Variants in TAFA2 observed in about 807,000 individuals in gnomAD.
TAFA2 encodes chemokine-like protein TAFA-2.
TAFA2 carries 7 observed loss-of-function variants against 18.8 expected under a neutral mutation model. The ratio of observed to expected loss-of-function variants is 0.37; its 90% CI spans 0.21 to 0.70. The LOEUF is 0.70. TAFA2 is among the 30% of genes least tolerant of loss of function. The probability of loss-of-function intolerance (pLI) is 0.53; values close to 1 mark genes in which losing one functional copy is unlikely to be tolerated. For synonymous variants in TAFA2, 60 were observed against 54.2 expected, an observed-to-expected ratio of 1.11 and a Z score of -0.47; for missense variants, 122 against 158.1, an observed-to-expected ratio of 0.77 and a Z score of 1.23.
At chr12:61,919,754 G>A (rs188823634) in intron 1 of TAFA2, among the ~76,000 whole-genome samples, 2 of 151,134 alleles carry the variant, frequency 1.3e-5, no homozygotes, top group African/African-American at 4.9e-5. Flanking sequence ...TAGTTTAATT[G>A]TATAATTGTC....
intron 1 of TAFA2, chr12:62,021,870 T>G (rs1013285068): frequency 3.0e-5 from 23 of 769,818 alleles, no homozygotes; most frequent in Non-Finnish European, 2.4e-6. Context: ...TCCTCCGTCC[T>G]CGGAGTTTCC....
rs113992348 is a variant in TAFA2 at position 61,935,269 on chromosome 12, T to C, written c.-1-67843A>G. Among the ~76,000 whole-genome samples the C allele has an allele frequency of 3.5e-4, 53 of 152,314 alleles. 1 individual carries two copies. The highest frequency in any genetic ancestry group is 1.3e-3 in the African/African-American group (52 of 41,582). On this transcript the variant is annotated intron_variant, in intron 1 of 4. Coordinates refer to ENST00000416284, the MANE Select transcript of TAFA2 (RefSeq NM_178539.5). ...AAGCACCAAAATGATAATAAATATT[T>C]CAAGCTACCTTTCCCAGAAACACAA...
chr12:61,999,480 T>C (rs186891831), intron 1 of TAFA2, among the ~76,000 whole-genome samples: 7 of 152,296 alleles, frequency 4.6e-5, no homozygotes, highest in Non-Finnish European at 1.0e-4. Flanking sequence ...TGGATACGGC[T>C]TCCTAAAATT....
chr12:61,952,256 T>C (rs566113675), intron 1 of TAFA2, among the ~76,000 whole-genome samples: 5 of 152,222 alleles, frequency 3.3e-5, no homozygotes, highest in African/African-American at 1.2e-4. Flanking sequence ...GTCCCACCTA[T>C]TAATATTTCA....
At chr12:61,998,529 A>T (rs1232537553) in intron 1 of TAFA2, among the ~76,000 whole-genome samples, 1 of 152,200 alleles carries the variant, frequency 6.6e-6, no homozygotes, top group African/African-American at 2.4e-5. Flanking sequence ...ATGCATATAT[A>T]AAAGCATTTA....
chr12:62,086,061 A>C (rs1002381999), intron 1 of TAFA2, among the ~76,000 whole-genome samples: 1 of 152,094 alleles, frequency 6.6e-6, no homozygotes, highest in African/African-American at 2.4e-5. Flanking sequence ...AAGCAGAAGC[A>C]TATACAGCCT....
chr12:61,761,802 T>C (rs1053776355), intron 2 of TAFA2, among the ~76,000 whole-genome samples: 3 of 152,190 alleles, frequency 2.0e-5, no homozygotes, highest in African/African-American at 7.2e-5. Context: ...TAATGCCTGA[T>C]ATGGTTTATA....
chr12:62,208,522 G>T (rs2062701177), intron 1 of TAFA2, among the ~76,000 whole-genome samples: 1 of 152,078 alleles, frequency 6.6e-6, no homozygotes, highest in Admixed American at 6.5e-5. Context: ...GAGATCTAAG[G>T]ATTTCTGCAA....
chr12:61,719,206 A>G (rs1244995510), intron 4 of TAFA2, among the ~76,000 whole-genome samples: 1 of 152,188 alleles, frequency 6.6e-6, no homozygotes, highest in East Asian at 1.9e-4. Flanking sequence ...TTTAAGTAAT[A>G]GTAGCCTTTC....
At chr12:62,014,914 C>T (rs781080006) in intron 1 of TAFA2, among the ~76,000 whole-genome samples, 5 of 152,098 alleles carry the variant, frequency 3.3e-5, no homozygotes, top group Non-Finnish European at 7.4e-5. Flanking sequence ...AAAAAAAAAG[C>T]CATCCATTTC....
intron 1 of TAFA2, among the ~76,000 whole-genome samples, chr12:61,935,671 T>C (rs939162214): frequency 6.6e-5 from 10 of 152,124 alleles, no homozygotes; most frequent in African/African-American, 2.4e-4. Flanking sequence ...AGATCAACTT[T>C]TGAACAAAAC....
At chr12:62,257,034 T>C (rs893106188) in intron 1 of TAFA2, among the ~76,000 whole-genome samples, 1 of 151,890 alleles carries the variant, frequency 6.6e-6, no homozygotes, top group Non-Finnish European at 1.5e-5. Flanking sequence ...ACTGAGACAG[T>C]GGTTCCTGAA....
chr12:62,106,735 T>A (rs1869472895), intron 1 of TAFA2, among the ~76,000 whole-genome samples: 1 of 152,174 alleles, frequency 6.6e-6, no homozygotes, highest in Non-Finnish European at 1.5e-5. Context: ...GCCCCTAACA[T>A]CCCACTGTGA....
At chr12:62,078,878 A>G (rs1311399090) in intron 1 of TAFA2, among the ~76,000 whole-genome samples, 1 of 152,248 alleles carries the variant, frequency 6.6e-6, no homozygotes, top group Non-Finnish European at 1.5e-5. Context: ...TATGGCCTTC[A>G]TATCACCAGA....
At chr12:62,169,975 A>G (rs1054569917) in intron 1 of TAFA2, among the ~76,000 whole-genome samples, 2 of 152,158 alleles carry the variant, frequency 1.3e-5, no homozygotes, top group Non-Finnish European at 2.9e-5. Flanking sequence ...CCTAAGATAT[A>G]TAATAGAAAT....
At chr12:62,140,736 G>A (rs574057310) in intron 1 of TAFA2, among the ~76,000 whole-genome samples, 1 of 152,284 alleles carries the variant, frequency 6.6e-6, no homozygotes, top group South Asian at 2.1e-4. Flanking sequence ...GTGGTGCCCA[G>A]TTCATACTAG....
At chr12:61,778,214 G>A (rs1274161569) in intron 2 of TAFA2, among the ~76,000 whole-genome samples, 4 of 151,750 alleles carry the variant, frequency 2.6e-5, no homozygotes, top group Non-Finnish European at 5.9e-5. Context: ...CTCACCCTAA[G>A]GATTAACTGG....
At chr12:61,956,897 A>G (rs1430720552) in intron 1 of TAFA2, among the ~76,000 whole-genome samples, 1 of 152,152 alleles carries the variant, frequency 6.6e-6, no homozygotes, top group Admixed American at 6.6e-5. Context: ...ATTACTTGAC[A>G]GTTATCCAAG....
intron 1 of TAFA2, among the ~76,000 whole-genome samples, chr12:62,178,231 T>G (rs2062527153): frequency 6.6e-6 from 1 of 152,108 alleles, no homozygotes; most frequent in African/African-American, 2.4e-5. Context: ...GCCCGAGAGA[T>G]CGAGGCTGCA....
Sources: allele counts gnomAD v4.1 joint callset (sites outside exome capture counted in the v4.1 genomes callset), GRCh38; gene constraint gnomAD v4.1.1; transcripts MANE v1.5; gene names NCBI Gene and HGNC (gene_info 2026-07-23, HGNC 2026-07-21).